ZNF821: variants seen among roughly 807,000 people sequenced by gnomAD.
The protein encoded by ZNF821 is zinc finger protein 821.
A neutral mutation model predicts 44.3 loss-of-function variants in ZNF821; 16 were observed. The ratio of observed to expected loss-of-function variants is 0.36; its 90% CI spans 0.24 to 0.55. ZNF821 has a LOEUF of 0.55. ZNF821 is among the 20% of genes least tolerant of loss of function. ZNF821 has a pLI of 0.86. For missense variants in ZNF821, 436 were observed against 547.6 expected, an observed-to-expected ratio of 0.80 and a Z score of 2.03; for synonymous variants, 204 against 197.6, an observed-to-expected ratio of 1.03 and a Z score of -0.27.
chr16:71,893,633 G>T (rs928128976), intron 1 of ZNF821, among the ~76,000 whole-genome samples: 2 of 147,376 alleles, frequency 1.4e-5, no homozygotes, highest in African/African-American at 5.1e-5. Context: ...GCTAATTTTT[G>T]TATTTTTAGT....
exon 1 of ZNF821, chr16:71,895,056 G>C (rs978495543): frequency 1.7e-5 from 8 of 477,152 alleles, no homozygotes; most frequent in African/African-American, 1.4e-4. Context: ...TGGGTGAAGA[G>C]TCAGGGATAC....
intron 5 of ZNF821, 176 bp downstream of exon 5, chr16:71,864,727 G>C (rs921814001): frequency 8.5e-6 from 6 of 704,708 alleles, no homozygotes; most frequent in Non-Finnish European, 1.4e-5. Flanking sequence ...GGAAAACTGA[G>C]TGTGGCGAGA....
At chr16:71,893,062 C>G (rs545270154) in intron 1 of ZNF821, among the ~76,000 whole-genome samples, 35 of 83,576 alleles carry the variant, frequency 4.2e-4, no homozygotes, top group African/African-American at 1.6e-3. Flanking sequence ...TATAGTCTGG[C>G]TCTGTCACCC....
At chr16:71,871,517 CATGTT>C (rs2035191226) in intron 3 of ZNF821, among the ~76,000 whole-genome samples, 1 of 152,162 alleles carries the variant, frequency 6.6e-6, no homozygotes, top group Non-Finnish European at 1.5e-5. Flanking sequence ...AAAAGCATGT[CATGTT>C]AACTGCCGTA....
At position 71,879,987 on chromosome 16, in the gene ZNF821, G is replaced by A. The variant is rs769054743; in HGVS notation, c.-41C>T. 113 of 1,599,988 alleles carry A rather than the reference G, an allele frequency of 7.1e-5. No homozygotes were observed. The highest frequency in any genetic ancestry group is 8.6e-5 in the Non-Finnish European group (101 of 1,169,904). ...GAGCTCTGGTCTTTCCCAGTTTCAC[G>A]ACTGGATATGTTACTACCTCCTTGC... On this transcript the variant is annotated 5_prime_UTR_variant, in exon 3 of 8. Transcript: ENST00000425432.
At chr16:71,883,352 G>C in intron 1 of ZNF821, 79 bp from the exon 2 acceptor site, 1 of 381,444 alleles carries the variant, frequency 2.6e-6, no homozygotes, top group Non-Finnish European at 5.2e-6. Flanking sequence ...TGGGTCTGGG[G>C]CGTGTCTAAT....
upstream of ZNF821, chr16:71,884,196 G>T (rs1262156789): frequency 1.3e-5 from 2 of 152,046 alleles, no homozygotes; most frequent in African/African-American, 2.4e-5. Context: ...CAGCTAGTGA[G>T]GCGCGTGCAC....
chr16:71,859,824 G>T lies in ZNF821; in HGVS notation c.*194C>A, dbSNP rs12285. ...CTGCTCCCTTGTCCAGAGCTGCCTTGAGCCAGGTCCCTCCTGACCCCATCA... is the reference window on the plus strand; with the variant it reads ...CTGCTCCCTTGTCCAGAGCTGCCTTTAGCCAGGTCCCTCCTGACCCCATCA... On this transcript the variant is annotated 3_prime_UTR_variant, in exon 8 of 8. Coordinates refer to ENST00000425432, the MANE Select transcript of ZNF821 (RefSeq NM_001201552.2). 2 of 641,352 alleles carry T rather than the reference G, an allele frequency of 3.1e-6. No individual in the cohort carries two copies. The highest frequency in any genetic ancestry group is 3.1e-5 in the Admixed American group (1 of 32,476). 39.7% of individuals were successfully genotyped at this position (641,352 alleles called of 1,614,324 possible).
chr16:71,881,548 T>C (rs1248865524), intron 2 of ZNF821: 1 of 152,252 alleles, frequency 6.6e-6, no homozygotes. Flanking sequence ...CTAAGTTTTG[T>C]GTATGTCATT....
At chr16:71,893,616 A>C (rs1246906491) in intron 1 of ZNF821, among the ~76,000 whole-genome samples, 1 of 140,068 alleles carries the variant, frequency 7.1e-6, no homozygotes, top group Non-Finnish European at 1.5e-5. Context: ...TGTTGCCACC[A>C]CATCCGGCTA....
At chr16:71,892,042 A>G (rs1376595259) in intron 1 of ZNF821, among the ~76,000 whole-genome samples, 1 of 140,632 alleles carries the variant, frequency 7.1e-6, no homozygotes, top group Non-Finnish European at 1.5e-5. Flanking sequence ...TTGGTGGTGG[A>G]TGCCTGTAAT....
At chr16:71,892,515 G>A (rs1311388802) in intron 1 of ZNF821, among the ~76,000 whole-genome samples, 1 of 150,572 alleles carries the variant, frequency 6.6e-6, no homozygotes, top group Non-Finnish European at 1.5e-5. Context: ...TGATCCACCC[G>A]CCTCGGCCTC....
chr16:71,871,290 T>G (rs921702972), intron 3 of ZNF821, among the ~76,000 whole-genome samples: 11 of 152,202 alleles, frequency 7.2e-5, no homozygotes, highest in African/African-American at 2.7e-4. Flanking sequence ...TATTCCTGAC[T>G]TGGGAAAAAG....
At chr16:71,877,690 GGGTA>G (rs2035971769) in intron 3 of ZNF821, among the ~76,000 whole-genome samples, 1 of 151,886 alleles carries the variant, frequency 6.6e-6, no homozygotes, top group South Asian at 2.1e-4. Context: ...AGGCTGAGGT[GGGTA>G]GGTCACTTGA....
rs1315889139 is a variant in ZNF821 at position 71,859,930 on chromosome 16, G to A, written c.*88C>T. On this transcript the variant is annotated 3_prime_UTR_variant, in exon 8 of 8. Transcript: ENST00000425432. ...CCTCTGGCAGCAAGGACAGGGCCTC[G>A]TGGGTGGCAGCAGCACTGGTCCTCG... 8 of 1,397,504 alleles carry A rather than the reference G, an allele frequency of 5.7e-6. No homozygotes were observed. Among genetic ancestry groups the A allele is most frequent in the Middle Eastern group, 2.6e-4 (1 of 3,906 alleles). The allele number at this position is 1,397,504 out of a possible 1,614,324, so 86.6% of individuals were successfully genotyped here. A position where few individuals can be genotyped will look rare whatever the true frequency, so the allele number is the denominator to read the frequency against.
intron 3 of ZNF821, among the ~76,000 whole-genome samples, chr16:71,877,524 T>C (rs2035952252): frequency 6.6e-6 from 1 of 152,200 alleles, no homozygotes; most frequent in Admixed American, 6.5e-5. Flanking sequence ...CCTCCCAAAG[T>C]GTTGGGATTA....
In ZNF821 at chr16:71,859,792, G is replaced by C; in HGVS notation, c.*226C>G. The C allele has an allele frequency of 1.8e-6, 1 of 570,252 alleles. No homozygotes were observed. Among genetic ancestry groups the C allele is most frequent in the Non-Finnish European group, 3.1e-6 (1 of 327,652 alleles). 35.3% of individuals were successfully genotyped at this position (570,252 alleles called of 1,614,324 possible). ...AGTGGGCTGGGGAGGCCAGTTCTCT[G>C]GACTGCCTGCTCCCTTGTCCAGAGC... On this transcript the variant is annotated 3_prime_UTR_variant, in exon 8 of 8. Coordinates refer to ENST00000425432, the MANE Select transcript of ZNF821 (RefSeq NM_001201552.2).
intron 6 of ZNF821, among the ~76,000 whole-genome samples, chr16:71,863,176 G>A (rs1458806014): frequency 1.3e-5 from 2 of 152,024 alleles, no homozygotes; most frequent in Non-Finnish European, 2.9e-5. Flanking sequence ...GATTACAGGC[G>A]TGAGCCACTG....
chr16:71,880,687 T>C (rs1366052905), intron 2 of ZNF821, among the ~76,000 whole-genome samples: 2 of 152,216 alleles, frequency 1.3e-5, no homozygotes, highest in Non-Finnish European at 2.9e-5. Flanking sequence ...AAGAGACAGA[T>C]GCCATCCACA....
Sources: gnomAD v4.1 joint callset for allele counts (sites outside exome capture counted in the v4.1 genomes callset) on GRCh38, gnomAD v4.1.1 for gene constraint, MANE v1.5 for transcripts, NCBI Gene and HGNC (gene_info 2026-07-23, HGNC 2026-07-21) for gene names.